NUMB: variants seen among roughly 807,000 people sequenced by gnomAD.
NUMB encodes protein numb homolog.
Under a neutral mutation model 59.7 loss-of-function variants are expected in NUMB, and 29 were observed. The observed-to-expected ratio is 0.49, with a 90% CI of 0.36 to 0.66. The LOEUF (loss-of-function observed/expected upper bound fraction) is 0.66, where lower values mean the gene tolerates loss of function less well. NUMB is among the 30% of genes least tolerant of loss of function. The pLI is 0.00. For missense variants in NUMB, 723 were observed against 822.0 expected, an observed-to-expected ratio of 0.88 and a Z score of 1.47; for synonymous variants, 288 against 288.2, an observed-to-expected ratio of 1.00 and a Z score of 0.01.
intron 2 of NUMB, among the ~76,000 whole-genome samples, chr14:73,379,534 A>G (rs983839586): frequency 2.0e-5 from 3 of 152,232 alleles, no homozygotes; most frequent in Non-Finnish European, 4.4e-5. Context: ...ATTGGAGAAA[A>G]GAAAGTGTTG....
At chr14:73,377,203 C>T (rs935863009) in intron 2 of NUMB, among the ~76,000 whole-genome samples, 2 of 152,112 alleles carry the variant, frequency 1.3e-5, no homozygotes, top group Non-Finnish European at 2.9e-5. Context: ...ACACCAAAGG[C>T]ACAACCCATT....
Position 73,297,275 on chromosome 14 carries a change from T to C in NUMB, c.245A>G (p.Lys82Arg), listed in dbSNP as rs144376881. 1.5e-5 allele frequency: 24 copies of C among 1,608,774 alleles called. No homozygotes were observed. In the African/African-American group the frequency reaches 3.1e-4, roughly 21 times the overall value. Residue 82 changes from lysine to arginine, a missense_variant, in exon 7 of 13, where the codon AAA (lysine) becomes AGA (arginine). By Grantham distance (26) the Lys-to-Arg change is conservative (BLOSUM62 2). This residue lies in a region of NUMB where 317 missense variants were observed against 436.6 expected (regional missense o/e 0.73). Coordinates refer to ENST00000555238, the MANE Select transcript of NUMB (RefSeq NM_001005743.2). ...FKGFFGKTGK[K>R]AVKAVLWVSA... ...GACCCACAGAACTGCTTTAACTGCT[T>C]TCTTTCCAGTCTTTTAAGAGAAACC...
At chr14:73,297,565 A>G (rs1889863198) in intron 6 of NUMB, 1 of 260,894 alleles carries the variant, frequency 3.8e-6, no homozygotes, top group Non-Finnish European at 7.2e-6. Flanking sequence ...AAGATATCAC[A>G]TTCCATAAAG....
chr14:73,339,883 A>G (rs983981021), intron 4 of NUMB, among the ~76,000 whole-genome samples: 1 of 152,102 alleles, frequency 6.6e-6, no homozygotes, highest in Admixed American at 6.6e-5. Flanking sequence ...GAAAACCTTC[A>G]CAGGGCAGGC....
At position 73,455,374 on chromosome 14, in the gene NUMB, A is replaced by G. The variant is rs140420048; in HGVS notation, c.-233+3119T>C. Among the ~76,000 whole-genome samples, 97 of 152,330 alleles carry G rather than the reference A, an allele frequency of 6.4e-4. 1 individual carries two copies. Among genetic ancestry groups the G allele is most frequent in the African/African-American group, 9.6e-4 (40 of 41,574 alleles). ...CTAAATATAAACCATCTAGCTTTCA[A>G]TGGAAGAAAAATCAAACCACGTACA... On this transcript the variant is annotated intron_variant, in intron 1 of 12. Transcript: ENST00000555238.
intron 4 of NUMB, among the ~76,000 whole-genome samples, chr14:73,354,460 G>A (rs1456178487): frequency 1.3e-5 from 2 of 148,562 alleles, no homozygotes; most frequent in East Asian, 2.0e-4. Context: ...GCAGTGAGCC[G>A]AGATGGTGCC....
chr14:73,370,863 ATGTT>A (rs1372457861), intron 2 of NUMB, among the ~76,000 whole-genome samples: 1 of 152,252 alleles, frequency 6.6e-6, no homozygotes, highest in Non-Finnish European at 1.5e-5. Context: ...ACATGAAAAA[ATGTT>A]AGGTAAATTT....
At chr14:73,315,893 C>T (rs919481002) in intron 6 of NUMB, among the ~76,000 whole-genome samples, 11 of 151,948 alleles carry the variant, frequency 7.2e-5, no homozygotes, top group African/African-American at 2.7e-4. Context: ...ATTGGAATTT[C>T]TTTATTTTTT....
intron 1 of NUMB, among the ~76,000 whole-genome samples, chr14:73,457,046 G>GAA (rs67252605): frequency 2.0e-5 from 3 of 148,856 alleles, no homozygotes; most frequent in East Asian, 2.0e-4. Context: ...CAACTCACAT[G>GAA]AAAAAAAAAA....
chr14:73,421,762 A>G (rs1897354214), intron 1 of NUMB, among the ~76,000 whole-genome samples: 1 of 152,232 alleles, frequency 6.6e-6, no homozygotes, highest in Admixed American at 6.5e-5. Flanking sequence ...CAGTAGTTAC[A>G]TTCCTGGAAA....
At chr14:73,330,708 T>C (rs1047762701) in intron 4 of NUMB, among the ~76,000 whole-genome samples, 14 of 150,608 alleles carry the variant, frequency 9.3e-5, no homozygotes, top group African/African-American at 3.4e-4. Flanking sequence ...AGATTTAGTA[T>C]AGTATCCCAC....
At chr14:73,329,302 G>A (rs756996542) in intron 4 of NUMB, among the ~76,000 whole-genome samples, 11 of 152,092 alleles carry the variant, frequency 7.2e-5, no homozygotes, top group Admixed American at 1.3e-4. Flanking sequence ...GAGGTTTTTT[G>A]ATTTAGATTG....
chr14:73,389,392 G>A (rs1388647279), intron 2 of NUMB, among the ~76,000 whole-genome samples: 2 of 145,520 alleles, frequency 1.4e-5, no homozygotes, highest in Non-Finnish European at 3.0e-5. Flanking sequence ...GAGTGCAGTG[G>A]CACCACTGCA....
intron 1 of NUMB, among the ~76,000 whole-genome samples, chr14:73,430,080 C>A (rs371767378): frequency 1.3e-5 from 2 of 151,632 alleles, no homozygotes; most frequent in East Asian, 1.9e-4. Flanking sequence ...AAACTGTGGA[C>A]CATTCTGGTA....
intron 1 of NUMB, among the ~76,000 whole-genome samples, chr14:73,410,984 T>C (rs546331290): frequency 1.1e-4 from 16 of 152,218 alleles, no homozygotes; most frequent in Non-Finnish European, 1.9e-4. Context: ...AGTCTTCTAA[T>C]ACAGGTTATG....
At position 73,275,753 on chromosome 14, in the gene NUMB, G is replaced by C. The variant is rs541243596; in HGVS notation, c.*825C>G. 1.2e-4 allele frequency: 18 copies of C among 152,646 alleles called. No individual in the cohort carries two copies. In the South Asian group the frequency reaches 3.1e-3, roughly 26 times the overall value. The allele number at this position is 152,646 out of a possible 1,614,324, so 9.5% of individuals were successfully genotyped here. A position where few individuals can be genotyped will look rare whatever the true frequency, so the allele number is the denominator to read the frequency against. ...TAGTGACTGTATTGGTCATAAGCAT[G>C]ATTGTTGTTGCAATGTGCTACTTAC... On this transcript the variant is annotated 3_prime_UTR_variant, in exon 13 of 13. Transcript: ENST00000555238.
intron 2 of NUMB, among the ~76,000 whole-genome samples, chr14:73,389,272 C>CAAAAAAAAAAAAAAAAAAAAAAAAAAA (rs869074049): frequency 1.5e-5 from 1 of 66,478 alleles, no homozygotes; most frequent in African/African-American, 5.8e-5. Flanking sequence ...CTCCATCTCT[C>CAAAAAAAAAAAAAAAAAAAAAAAAAAA]AAAAAAAAAA....
At chr14:73,383,704 G>C (rs1895359537) in intron 2 of NUMB, among the ~76,000 whole-genome samples, 2 of 152,086 alleles carry the variant, frequency 1.3e-5, no homozygotes, top group African/African-American at 4.8e-5. Flanking sequence ...AAAAACCGAA[G>C]ACATTGCTTC....
chr14:73,343,915 T>C (rs1326054114), intron 4 of NUMB, among the ~76,000 whole-genome samples: 4 of 152,196 alleles, frequency 2.6e-5, no homozygotes, highest in African/African-American at 9.6e-5. Flanking sequence ...GCTTTAATAG[T>C]ATTCGTGTGA....
Sources: allele counts gnomAD v4.1 joint callset (sites outside exome capture counted in the v4.1 genomes callset), GRCh38; gene constraint gnomAD v4.1.1; regional missense constraint gnomAD v4.1.1; transcripts MANE v1.5; gene names NCBI Gene and HGNC (gene_info 2026-07-23, HGNC 2026-07-21).